The following NAA16 variants were observed in gnomAD, a reference collection of about 807,000 sequenced individuals.
The protein encoded by NAA16 is NARG1-like protein.
A neutral mutation model predicts 110.3 loss-of-function variants in NAA16; 97 were observed. The observed-to-expected ratio is 0.88, with a 90% CI of 0.75 to 1.04. The LOEUF (loss-of-function observed/expected upper bound fraction) is 1.04. NAA16 is among the 50% of genes least tolerant of loss of function. The pLI is 0.00. For missense variants in NAA16, 1,017 were observed against 1,005.1 expected, an observed-to-expected ratio of 1.01 and a Z score of -0.16; for synonymous variants, 372 against 330.6, an observed-to-expected ratio of 1.13 and a Z score of -1.36.
At chr13:41,320,558 T>G in intron 3 of NAA16, 109 bp from the exon 4 acceptor site, 1 of 1,101,594 alleles carries the variant, frequency 9.1e-7, no homozygotes. Flanking sequence ...CAGATCATTC[T>G]GAACAAATCC....
intron 5 of NAA16, among the ~76,000 whole-genome samples, chr13:41,324,270 T>G (rs2139390552): frequency 6.6e-6 from 1 of 152,030 alleles, no homozygotes; most frequent in East Asian, 1.9e-4. Flanking sequence ...TAGTACTGTA[T>G]CACATTTGGT....
intron 2 of NAA16, 62 bp downstream of exon 2, chr13:41,316,992 TGAAA>T: frequency 8.7e-7 from 1 of 1,150,450 alleles, no homozygotes; most frequent in Admixed American, 1.7e-5. Flanking sequence ...GCATTAACAG[TGAAA>T]GAAGAGTATT....
chr13:41,341,091 T>A (rs1051205536), intron 9 of NAA16, among the ~76,000 whole-genome samples: 3 of 152,204 alleles, frequency 2.0e-5, no homozygotes, highest in African/African-American at 4.8e-5. Context: ...GCGGTCAATT[T>A]TAGAATAAGT....
chr13:41,359,919 G>A (rs2043077552), intron 12 of NAA16, among the ~76,000 whole-genome samples: 1 of 152,112 alleles, frequency 6.6e-6, no homozygotes, highest in Non-Finnish European at 1.5e-5. Context: ...TATGCTTGAG[G>A]TAGGAAGCAT....
intron 9 of NAA16, among the ~76,000 whole-genome samples, chr13:41,344,357 C>G (rs540611464): frequency 2.0e-5 from 3 of 152,284 alleles, no homozygotes; most frequent in African/African-American, 4.8e-5. Context: ...ATTTTTATTT[C>G]TGTTGTGGAA....
Position 41,320,837 on chromosome 13 carries a change from T to C in NAA16, c.402+13T>C. 1 of 1,579,288 alleles carries C rather than the reference T, an allele frequency of 6.3e-7. No individual in the cohort carries two copies. The highest frequency in any genetic ancestry group is 1.2e-5 in the South Asian group (1 of 85,076). On this transcript the variant is annotated intron_variant, in intron 4 of 19. Coordinates refer to ENST00000379406, the MANE Select transcript of NAA16 (RefSeq NM_024561.5). ...TGAAGGTTACCGAGTAAGTACTTCA[T>C]TCTTAAATGTACATGATTTTACAGT...
At chr13:41,359,039 T>C (rs2139496131) in intron 12 of NAA16, 77 bp downstream of exon 12, 1 of 1,262,254 alleles carries the variant, frequency 7.9e-7, no homozygotes, top group Non-Finnish European at 1.1e-6. Flanking sequence ...TAAGACAGTT[T>C]GTGAAGAACT....
chr13:41,363,581 TC>T (rs2139505050), intron 13 of NAA16, among the ~76,000 whole-genome samples: 1 of 152,280 alleles, frequency 6.6e-6, no homozygotes, highest in African/African-American at 2.4e-5. Flanking sequence ...GATTATACTT[TC>T]CCTTAAATTT....
At position 41,320,784 on chromosome 13, in the gene NAA16, C is replaced by T. The variant is rs1566243656; in HGVS notation, c.362C>T (p.Ser121Leu). ...KDNLQILRDL[S>L]LLQIQMRDLE... is the part of the protein sequence containing the mutation. ...AACCTGCAAATTTTGAGGGATCTCT[C>T]ACTGTTGCAGATCCAAATGAGAGAC... Residue 121 changes from serine to leucine, a missense_variant, in exon 4 of 20, where the codon TCA (serine) becomes TTA (leucine). Transcript: ENST00000379406. The T allele has an allele frequency of 6.2e-7, 1 of 1,612,768 alleles. No individual in the cohort carries two copies. The highest frequency in any genetic ancestry group is 8.5e-7 in the Non-Finnish European group (1 of 1,179,678).
At chr13:41,374,022 A>C in intron 18 of NAA16, 1 of 384,228 alleles carries the variant, frequency 2.6e-6, no homozygotes, top group Non-Finnish European at 4.1e-6. Context: ...TACTTTTATA[A>C]TAAATGTGCG....
In NAA16 at chr13:41,345,061, CT is replaced by C. The variant is rs534180006; in HGVS notation, c.1014+8309del. Reference sequence around the variant, plus strand: ...GTAGCATGAATCAGTACTTCATTCCCTTTTATGACCATGTAACATTCCATTT... The same window carrying C: ...GTAGCATGAATCAGTACTTCATTCCCTTTATGACCATGTAACATTCCATTT... On this transcript the variant is annotated intron_variant, in intron 9 of 19. Transcript: ENST00000379406. Among the ~76,000 whole-genome samples the C allele has an allele frequency of 2.2e-4, 33 of 152,276 alleles. No homozygotes were observed. In the South Asian group the frequency reaches 6.4e-3, roughly 30 times the overall value.
At chr13:41,330,064 G>A (rs1021964121) in intron 7 of NAA16, among the ~76,000 whole-genome samples, 10 of 151,590 alleles carry the variant, frequency 6.6e-5, no homozygotes, top group African/African-American at 2.4e-4. Context: ...TGTTCTCTAC[G>A]ATTAGGCACG....
chr13:41,364,777 C>A (rs1453637086), intron 13 of NAA16, among the ~76,000 whole-genome samples: 2 of 152,092 alleles, frequency 1.3e-5, no homozygotes, highest in African/African-American at 2.4e-5. Flanking sequence ...AAATTGATAA[C>A]ATGCTTTATA....
chr13:41,375,755 C>T lies in NAA16; in HGVS notation c.*153C>T. On this transcript the variant is annotated 3_prime_UTR_variant, in exon 20 of 20. Transcript: ENST00000379406. ...TAAGCTTATTTTGTTCTTTACCCGACCTGCCAATTTACATAACCATCTGTT... is the reference window on the plus strand; with the variant it reads ...TAAGCTTATTTTGTTCTTTACCCGATCTGCCAATTTACATAACCATCTGTT... The T allele has an allele frequency of 1.8e-6, 1 of 560,100 alleles. No homozygotes were observed. Among genetic ancestry groups the T allele is most frequent in the Non-Finnish European group, 3.0e-6 (1 of 331,304 alleles). 34.7% of individuals were successfully genotyped at this position (560,100 alleles called of 1,614,324 possible).
At chr13:41,357,035 C>T (rs1324373005) in intron 10 of NAA16, among the ~76,000 whole-genome samples, 2 of 152,100 alleles carry the variant, frequency 1.3e-5, no homozygotes, top group Non-Finnish European at 2.9e-5. Context: ...TCCATGACGG[C>T]GTGGGGGCAC....
chr13:41,323,391 C>T (rs1331756038), intron 5 of NAA16, among the ~76,000 whole-genome samples: 1 of 151,298 alleles, frequency 6.6e-6, no homozygotes, highest in Non-Finnish European at 1.5e-5. Flanking sequence ...CGCTCTGTCC[C>T]CCAGGCTGGA....
At chr13:41,331,766 A>G (rs6560978) in intron 8 of NAA16, among the ~76,000 whole-genome samples, 144,133 of 152,158 alleles carry the variant, frequency 0.95, 68,336 homozygotes, top group South Asian at 0.99. Flanking sequence ...AATATACTGT[A>G]TATTTCAGGA....
intron 14 of NAA16, 121 bp downstream of exon 14, chr13:41,367,773 A>G (rs1010672434): frequency 1.9e-5 from 12 of 645,226 alleles, no homozygotes; most frequent in East Asian, 3.0e-5. Context: ...CAAACATTAG[A>G]TAACTCATAT....
Position 41,374,834 on chromosome 13 carries a change from G to A in NAA16, c.2392G>A (p.Val798Ile), listed in dbSNP as rs1336180994. 22 of 1,594,070 alleles carry A rather than the reference G, an allele frequency of 1.4e-5. No individual in the cohort carries two copies. The highest frequency in any genetic ancestry group is 1.8e-5 in the Non-Finnish European group (21 of 1,167,404). ...RLDETIKDKD[V>I]KTLIKVSEAL... ...AGATGAAACTATAAAAGATAAAGAT[G>A]TAAAGGTAAGTTTTTTTTCTTTGGC... Residue 798 changes from valine (V) to isoleucine (I), a missense_variant, in exon 19 of 20, where the codon GTA (valine) becomes ATA (isoleucine). Physicochemically the swap from Val to Ile is conservative, Grantham distance 29. Transcript: ENST00000379406.
Sources: allele counts gnomAD v4.1 joint callset (sites outside exome capture counted in the v4.1 genomes callset), GRCh38; gene constraint gnomAD v4.1.1; transcripts MANE v1.5; gene names NCBI Gene and HGNC (gene_info 2026-07-23, HGNC 2026-07-21).